The following KLF8 variants were observed in gnomAD, a reference collection of about 807,000 sequenced individuals.
KLF8 encodes the protein KLF transcription factor 8, also known as Krueppel-like factor 8.
Under a neutral mutation model 18.2 loss-of-function variants are expected in KLF8, and 10 were observed. The observed-to-expected ratio is 0.55, with a 90% CI of 0.34 to 0.93. The LOEUF is 0.93. KLF8 is among the 40% of genes least tolerant of loss of function. KLF8 has a pLI of 0.02. For synonymous variants in KLF8, 109 were observed against 97.3 expected, an observed-to-expected ratio of 1.12 and a Z score of -0.71; for missense variants, 264 against 277.9, an observed-to-expected ratio of 0.95 and a Z score of 0.36.
the KLF8 span, among the ~76,000 whole-genome samples, chrX:56,185,998 T>A: frequency 8.9e-6 from 1 of 112,174 alleles, no homozygotes; most frequent in African/African-American, 3.2e-5. Flanking sequence ...AACATCATAA[T>A]GACAAGGATC....
At chrX:56,200,654 CA>C in the KLF8 span, among the ~76,000 whole-genome samples, 20 of 101,652 alleles carry the variant, frequency 2.0e-4, no homozygotes, top group African/African-American at 3.9e-4. Context: ...AGGAAACAAT[CA>C]AAAAAAAAAT....
At chrX:56,202,744 C>T in the KLF8 span, among the ~76,000 whole-genome samples, 1 of 111,042 alleles carries the variant, frequency 9.0e-6, no homozygotes, top group African/African-American at 3.3e-5. Context: ...CATATTGTTG[C>T]AAATGACTGA....
At chrX:56,267,225 G>T in intron 3 of KLF8, 1 of 747,946 alleles carries the variant, frequency 1.3e-6, no homozygotes, top group Non-Finnish European at 1.6e-6. Context: ...GCCCAATGGT[G>T]TCTGTATTAG....
chrX:55,947,224 C>G, the KLF8 span, among the ~76,000 whole-genome samples: 1 of 110,740 alleles, frequency 9.0e-6, no homozygotes, highest in East Asian at 2.8e-4. Context: ...ATAGTAAAGA[C>G]TTGGAACCAA....
At chrX:56,114,005 C>A in the KLF8 span, among the ~76,000 whole-genome samples, 5 of 111,993 alleles carry the variant, frequency 4.5e-5, no homozygotes, top group Non-Finnish European at 9.4e-5. Flanking sequence ...GCTGGCCCTA[C>A]CCCCAGGGGC....
the KLF8 span, among the ~76,000 whole-genome samples, chrX:56,051,962 T>A: frequency 9.0e-6 from 1 of 110,501 alleles, no homozygotes. Flanking sequence ...GAGGCTTTGC[T>A]CATTTATTTT....
chrX:56,194,111 A>G, the KLF8 span, among the ~76,000 whole-genome samples: 1 of 110,647 alleles, frequency 9.0e-6, no homozygotes, highest in Non-Finnish European at 1.9e-5. Context: ...AGATGGCCAA[A>G]TAGGAACAGC....
the KLF8 span, among the ~76,000 whole-genome samples, chrX:56,083,652 G>A: frequency 3.0e-4 from 34 of 111,965 alleles, no homozygotes; most frequent in Admixed American, 3.1e-3. Flanking sequence ...CCACAGATTA[G>A]TACCAGTCAG....
At chrX:55,997,971 A>T in the KLF8 span, among the ~76,000 whole-genome samples, 1 of 111,457 alleles carries the variant, frequency 9.0e-6, no homozygotes, top group South Asian at 3.9e-4. Context: ...TTTCTCCGAG[A>T]GGGGGATGTG....
chrX:56,184,465 C>G, the KLF8 span, among the ~76,000 whole-genome samples: 3 of 112,693 alleles, frequency 2.7e-5, no homozygotes, highest in Non-Finnish European at 3.8e-5. Context: ...AACAAAAAGA[C>G]AGCAGTAACC....
chrX:56,221,756 C>A, the KLF8 span, among the ~76,000 whole-genome samples: 12 of 111,710 alleles, frequency 1.1e-4, no homozygotes, highest in African/African-American at 3.3e-4. Flanking sequence ...CTCATAAAGG[C>A]AGTGTGGACC....
the KLF8 span, among the ~76,000 whole-genome samples, chrX:56,050,012 A>T: frequency 1.8e-5 from 2 of 111,691 alleles, no homozygotes; most frequent in African/African-American, 6.5e-5. Context: ...GTATGTGTCC[A>T]GGAATTTACA....
the KLF8 span, among the ~76,000 whole-genome samples, chrX:55,951,788 C>G: frequency 1.8e-5 from 2 of 110,391 alleles, no homozygotes; most frequent in African/African-American, 3.3e-5. Context: ...TCTTTGGAAA[C>G]AACTTGGAGG....
the KLF8 span, among the ~76,000 whole-genome samples, chrX:56,151,405 G>T: frequency 6.3e-5 from 7 of 111,668 alleles, no homozygotes; most frequent in Non-Finnish European, 1.3e-4. Flanking sequence ...GAGTATATTG[G>T]ATTAAAGTAG....
the KLF8 span, among the ~76,000 whole-genome samples, chrX:56,105,865 C>T: frequency 1.8e-5 from 2 of 111,606 alleles, no homozygotes; most frequent in South Asian, 7.5e-4. Context: ...TCTGTTGTTC[C>T]TTTCCATGTT....
the KLF8 span, among the ~76,000 whole-genome samples, chrX:56,109,992 G>A: frequency 9.1e-6 from 1 of 109,985 alleles, no homozygotes; most frequent in Non-Finnish European, 1.9e-5. Context: ...GTGTCCATGT[G>A]TTCTCATTGT....
At chrX:56,041,134 TC>T in the KLF8 span, among the ~76,000 whole-genome samples, 1 of 109,685 alleles carries the variant, frequency 9.1e-6, no homozygotes, top group Non-Finnish European at 1.9e-5. Flanking sequence ...TTAATTCTTT[TC>T]TTTTTTGGAG....
chrX:56,207,556 C>T, the KLF8 span, among the ~76,000 whole-genome samples: 1 of 111,719 alleles, frequency 9.0e-6, no homozygotes, highest in Non-Finnish European at 1.9e-5. Context: ...CCACCAGTCT[C>T]TTTGCTAAAG....
chrX:55,998,717 T>G, the KLF8 span, among the ~76,000 whole-genome samples: 2 of 111,470 alleles, frequency 1.8e-5, no homozygotes, highest in Admixed American at 9.5e-5. Flanking sequence ...TGATCTCTCT[T>G]GCTTTTCCCC....
Sources: gnomAD v4.1 joint callset for allele counts (sites outside exome capture counted in the v4.1 genomes callset) on GRCh38, gnomAD v4.1.1 for gene constraint, MANE v1.5 for transcripts, NCBI Gene and HGNC (gene_info 2026-07-23, HGNC 2026-07-21) for gene names.